Variants in MACROD2 observed in about 807,000 individuals in gnomAD.
MACROD2 encodes mono-ADP ribosylhydrolase 2.
In MACROD2, 36 loss-of-function variants were observed where a neutral mutation model predicts 70.4. The ratio of observed to expected loss-of-function variants is 0.51; its 90% CI spans 0.39 to 0.68. The LOEUF (loss-of-function observed/expected upper bound fraction) is 0.68, where lower values mean the gene tolerates loss of function less well. MACROD2 is among the 30% of genes least tolerant of loss of function. MACROD2 has a pLI of 0.00. For missense variants in MACROD2, 496 were observed against 538.4 expected, an observed-to-expected ratio of 0.92 and a Z score of 0.78; for synonymous variants, 172 against 178.8, an observed-to-expected ratio of 0.96 and a Z score of 0.30.
chr20:15,917,364 C>A (rs1250089658), intron 10 of MACROD2, among the ~76,000 whole-genome samples: 1 of 152,162 alleles, frequency 6.6e-6, no homozygotes, highest in African/African-American at 2.4e-5. Flanking sequence ...TATGAACCTG[C>A]AGGGTTATGG....
At chr20:14,215,963 C>G (rs1037006426) in intron 3 of MACROD2, among the ~76,000 whole-genome samples, 2 of 152,042 alleles carry the variant, frequency 1.3e-5, no homozygotes, top group Non-Finnish European at 2.9e-5. Context: ...CCTGAGTTGT[C>G]TGTTTACTCT....
intron 3 of MACROD2, among the ~76,000 whole-genome samples, chr20:14,235,116 A>T (rs2081856847): frequency 6.6e-6 from 1 of 152,152 alleles, no homozygotes; most frequent in Non-Finnish European, 1.5e-5. Context: ...CTCCAGGCAG[A>T]TTAAAAAAGG....
At chr20:14,075,258 T>A (rs1300462966) in intron 2 of MACROD2, among the ~76,000 whole-genome samples, 1 of 152,236 alleles carries the variant, frequency 6.6e-6, no homozygotes, top group Non-Finnish European at 1.5e-5. Context: ...CTAGCTTTGC[T>A]GTCGCATCTC....
At chr20:15,759,581 C>A (rs538172951) in intron 8 of MACROD2, among the ~76,000 whole-genome samples, 1 of 152,242 alleles carries the variant, frequency 6.6e-6, no homozygotes, top group Middle Eastern at 3.4e-3. Flanking sequence ...TCCCAAATTG[C>A]GCCTGCAACA....
At chr20:15,286,893 A>G (rs1255675463) in intron 6 of MACROD2, among the ~76,000 whole-genome samples, 1 of 152,092 alleles carries the variant, frequency 6.6e-6, no homozygotes, top group Non-Finnish European at 1.5e-5. Flanking sequence ...AGGGGTAGGC[A>G]TGGGTTGGAG....
intron 6 of MACROD2, among the ~76,000 whole-genome samples, chr20:15,343,155 G>A (rs531536259): frequency 2.6e-5 from 4 of 152,250 alleles, no homozygotes; most frequent in South Asian, 2.1e-4. Flanking sequence ...CAGGCCTTCC[G>A]CTCACATCAG....
chr20:15,261,540 C>A (rs558118130), intron 6 of MACROD2, among the ~76,000 whole-genome samples: 1 of 152,010 alleles, frequency 6.6e-6, no homozygotes, highest in East Asian at 1.9e-4. Flanking sequence ...CCAAATCAAT[C>A]CTGAACAATT....
At chr20:15,861,873 A>G (rs6043581) in intron 8 of MACROD2, among the ~76,000 whole-genome samples, 22,884 of 152,084 alleles carry the variant, frequency 0.15, 1,981 homozygotes, top group South Asian at 0.34. Flanking sequence ...ACCTCATTTG[A>G]TGTTCTATGC....
intron 3 of MACROD2, among the ~76,000 whole-genome samples, chr20:14,110,223 C>T (rs886638654): frequency 9.9e-5 from 15 of 151,986 alleles, no homozygotes; most frequent in African/African-American, 3.1e-4. Flanking sequence ...ATAGAAGGAA[C>T]GTATCTCAAC....
intron 5 of MACROD2, among the ~76,000 whole-genome samples, chr20:14,710,633 G>GTTAA (rs2071327389): frequency 6.6e-6 from 1 of 152,170 alleles, no homozygotes; most frequent in African/African-American, 2.4e-5. Flanking sequence ...TCTCTTTTAA[G>GTTAA]ATGATTCAGA....
In MACROD2 at chr20:15,540,818, G is replaced by A. The variant is rs545416917; in HGVS notation, c.645+40971G>A. Among the ~76,000 whole-genome samples the A allele has an allele frequency of 1.7e-4, 26 of 152,152 alleles. 1 individual carries two copies. Among genetic ancestry groups the A allele is most frequent in the East Asian group, 7.7e-4 (4 of 5,174 alleles). ...TGTTGACAGTCTTTCATATCCCTTCGTTCTAGAAGCATCAGCCCAATCTCC... is the reference window on the plus strand; with the variant it reads ...TGTTGACAGTCTTTCATATCCCTTCATTCTAGAAGCATCAGCCCAATCTCC... On this transcript the variant is annotated intron_variant, in intron 8 of 17. Coordinates refer to ENST00000684519, the MANE Select transcript of MACROD2 (RefSeq NM_001351661.2).
intron 4 of MACROD2, among the ~76,000 whole-genome samples, chr20:14,579,094 A>AT (rs34954410): frequency 0.039 from 3,515 of 90,964 alleles, 60 homozygotes; most frequent in South Asian, 0.058. Context: ...TAACACATTC[A>AT]TTTTTTTTTC....
chr20:14,368,557 C>A (rs1342630405), intron 3 of MACROD2, among the ~76,000 whole-genome samples: 3 of 151,454 alleles, frequency 2.0e-5, no homozygotes, highest in African/African-American at 4.8e-5. Context: ...AAAAAACACA[C>A]ACACACAAAA....
intron 5 of MACROD2, among the ~76,000 whole-genome samples, chr20:15,118,652 G>A (rs1347865669): frequency 1.3e-5 from 2 of 152,072 alleles, no homozygotes; most frequent in Non-Finnish European, 2.9e-5. Context: ...TCTCTTATAG[G>A]ATACTATTAT....
intron 3 of MACROD2, among the ~76,000 whole-genome samples, chr20:14,111,891 A>G (rs2054456181): frequency 6.6e-6 from 1 of 152,052 alleles, no homozygotes; most frequent in Non-Finnish European, 1.5e-5. Flanking sequence ...TATATTGAAG[A>G]GATATCTGCA....
chr20:14,671,165 A>G (rs1306150905), intron 4 of MACROD2, among the ~76,000 whole-genome samples: 4 of 152,196 alleles, frequency 2.6e-5, no homozygotes, highest in African/African-American at 7.2e-5. Context: ...GCAACCACCA[A>G]TCTATGTCAT....
intron 8 of MACROD2, among the ~76,000 whole-genome samples, chr20:15,558,243 A>C (rs1341120937): frequency 3.9e-5 from 6 of 152,156 alleles, no homozygotes. Context: ...CTCAGTGGCC[A>C]TTCCATTCTG....
intron 4 of MACROD2, among the ~76,000 whole-genome samples, chr20:14,567,439 C>T (rs2208128): frequency 0.04 from 6,121 of 152,080 alleles, 156 homozygotes; most frequent in African/African-American, 0.065. Context: ...TGTGTGCATG[C>T]GTGTGCCCTG....
intron 5 of MACROD2, among the ~76,000 whole-genome samples, chr20:14,819,208 G>C (rs1271535844): frequency 6.6e-6 from 1 of 151,838 alleles, no homozygotes. Flanking sequence ...AGAGGTTGTA[G>C]TGAGCCAAGA....
Sources: gnomAD v4.1 joint callset for allele counts (sites outside exome capture counted in the v4.1 genomes callset) on GRCh38, gnomAD v4.1.1 for gene constraint, MANE v1.5 for transcripts, NCBI Gene and HGNC (gene_info 2026-07-23, HGNC 2026-07-21) for gene names.